Variants in SLC6A4 observed in about 807,000 individuals in gnomAD.
The protein encoded by SLC6A4 is solute carrier family 6 member 4, also known as sodium-dependent serotonin transporter.
A neutral mutation model predicts 73.4 loss-of-function variants in SLC6A4; 22 were observed. The observed-to-expected ratio is 0.30, with a 90% CI of 0.21 to 0.43. The LOEUF (loss-of-function observed/expected upper bound fraction) is 0.43. SLC6A4 is among the 20% of genes least tolerant of loss of function. The pLI, the probability that SLC6A4 is intolerant of heterozygous loss-of-function variation, is 1.00. For synonymous variants in SLC6A4, 270 were observed against 315.5 expected, an observed-to-expected ratio of 0.86 and a Z score of 1.53; for missense variants, 593 against 808.5, an observed-to-expected ratio of 0.73 and a Z score of 3.23.
At chr17:30,207,476 C>T (rs948089768) in intron 13 of SLC6A4, among the ~76,000 whole-genome samples, 1 of 152,158 alleles carries the variant, frequency 6.6e-6, no homozygotes, top group Non-Finnish European at 1.5e-5. Flanking sequence ...CAACCTCCGC[C>T]TCCTGGGTTC....
rs946841468 is a variant in SLC6A4 at position 30,211,141 on chromosome 17, T to C, written c.1317+171A>G. 6.6e-6 allele frequency among the ~76,000 whole-genome samples: 1 copy of C among 152,184 alleles called. No individual in the cohort carries two copies. The highest frequency in any genetic ancestry group is 1.5e-5 in the Non-Finnish European group (1 of 68,036). ...CACTTTATCCCATTAATGACTCGAATGTACCAGAGGGTGGTAAATGCCGAG... is the reference window on the plus strand; with the variant it reads ...CACTTTATCCCATTAATGACTCGAACGTACCAGAGGGTGGTAAATGCCGAG... On this transcript the variant is annotated intron_variant, in intron 10 of 14. Coordinates refer to ENST00000650711, the MANE Select transcript of SLC6A4 (RefSeq NM_001045.6). This position sits in a 1 kb window ranked among gnomAD's most constrained non-coding sequence, Gnocchi z 4.0.
At chr17:30,231,497 TATGTATACATACAG>T (rs1907115569) in intron 1 of SLC6A4, among the ~76,000 whole-genome samples, 1 of 151,534 alleles carries the variant, frequency 6.6e-6, no homozygotes, top group Non-Finnish European at 1.5e-5. Context: ...TATATATCTG[TATGTATACATACAG>T]ATACATAAAT....
intron 8 of SLC6A4, among the ~76,000 whole-genome samples, chr17:30,215,095 T>C (rs1906527719): frequency 6.6e-6 from 1 of 151,742 alleles, no homozygotes; most frequent in Non-Finnish European, 1.5e-5. Flanking sequence ...TTCTGGAATC[T>C]TGCTCTGTCA....
intron 1 of SLC6A4, among the ~76,000 whole-genome samples, chr17:30,230,110 AGAGGAAGAGGAAGAG>A (rs1567824216): frequency 6.3e-5 from 8 of 127,328 alleles, no homozygotes; most frequent in African/African-American, 2.6e-4. Context: ...AGGAAGAGGA[AGAGGAAGAGGAAGAG>A]GAGGAGGAGG....
intron 1 of SLC6A4, among the ~76,000 whole-genome samples, chr17:30,227,664 T>A (rs8072742): frequency 0.065 from 9,902 of 152,186 alleles, 1,048 homozygotes; most frequent in African/African-American, 0.22. Context: ...TTTTTGTATT[T>A]TTTTCAGAGA....
At chr17:30,221,270 C>A (rs1048648036) in intron 3 of SLC6A4, among the ~76,000 whole-genome samples, 4 of 152,152 alleles carry the variant, frequency 2.6e-5, no homozygotes, top group African/African-American at 7.2e-5. Context: ...AGCCACCACG[C>A]CTGGCGAGAT....
chr17:30,232,357 C>A (rs1393668878), intron 1 of SLC6A4, among the ~76,000 whole-genome samples: 3 of 152,208 alleles, frequency 2.0e-5, no homozygotes, highest in African/African-American at 7.2e-5. Context: ...CCCTCCCTAC[C>A]TCAAAGAATG....
At chr17:30,207,077 A>G (rs1906229600) in intron 13 of SLC6A4, among the ~76,000 whole-genome samples, 1 of 152,212 alleles carries the variant, frequency 6.6e-6, no homozygotes, top group South Asian at 2.1e-4. Context: ...GAGGATTTAT[A>G]GAAAAGTGAG....
In SLC6A4 at chr17:30,235,263, T is replaced by C. The variant is rs147885256; in HGVS notation, c.-221+350A>G. ...GGTTGAAACGAAAGCAAGCAACTCT[T>C]CCCAAAGCGCAGGACAGCACTTTGC... is the stretch of plus-strand genomic sequence containing the variant. On this transcript the variant is annotated intron_variant, in intron 1 of 14. Coordinates refer to ENST00000650711, the MANE Select transcript of SLC6A4 (RefSeq NM_001045.6). This position sits in a 1 kb window ranked among gnomAD's most constrained non-coding sequence, Gnocchi z 4.5. 1.9e-4 allele frequency among the ~76,000 whole-genome samples: 29 copies of C among 152,298 alleles called. No individual in the cohort carries two copies. The highest frequency in any genetic ancestry group is 3.4e-4 in the Non-Finnish European group (23 of 68,006).
chr17:30,215,741 G>A (rs1203481251), intron 7 of SLC6A4, 27 bp from the exon 8 acceptor site: 8 of 1,590,580 alleles, frequency 5.0e-6, no homozygotes, highest in Non-Finnish European at 6.9e-6. Flanking sequence ...GTAAGGGCAT[G>A]GGGTGAGGGG....
intron 1 of SLC6A4, among the ~76,000 whole-genome samples, chr17:30,231,549 A>G (rs1305273611): frequency 6.6e-6 from 1 of 151,878 alleles, no homozygotes; most frequent in Non-Finnish European, 1.5e-5. Context: ...GATCTTATAT[A>G]TTACACATAA....
rs557635003 is a variant in SLC6A4 at position 30,229,329 on chromosome 17, G to A, written c.-221+6284C>T. On this transcript the variant is annotated intron_variant, in intron 1 of 14. Transcript: ENST00000650711. ...TTTCCTAACCCACAGAAATAAATGTGATAAACTAAAACATCTGAAACGAAA... is the reference window on the plus strand; with the variant it reads ...TTTCCTAACCCACAGAAATAAATGTAATAAACTAAAACATCTGAAACGAAA... 4.6e-5 allele frequency among the ~76,000 whole-genome samples: 7 copies of A among 152,186 alleles called. No homozygotes were observed. In the South Asian group the frequency reaches 1.5e-3, roughly 32 times the overall value.
intron 3 of SLC6A4, among the ~76,000 whole-genome samples, chr17:30,219,809 C>T (rs1292541410): frequency 6.6e-6 from 1 of 152,154 alleles, no homozygotes; most frequent in East Asian, 1.9e-4. Context: ...CCTAATTTTC[C>T]CTGCTGTAAA....
Position 30,198,069 on chromosome 17 carries a change from A to G in SLC6A4, c.*387T>C, listed in dbSNP as rs541197791. On this transcript the variant is annotated 3_prime_UTR_variant, in exon 15 of 15. Transcript: ENST00000650711. ...TCCTACGCAGTTTACGTATTCATGA[A>G]CAGTGAAACCTTTAGAAGCAAACAG... is the stretch of plus-strand genomic sequence containing the variant. 1.6e-5 allele frequency: 3 copies of G among 190,934 alleles called. No homozygotes were observed. The South Asian group carries it at 5.6e-4, about 36-fold the overall frequency. 11.8% of individuals were successfully genotyped at this position (190,934 alleles called of 1,614,324 possible).
At chr17:30,223,997 T>C (rs1487701385) in intron 1 of SLC6A4, among the ~76,000 whole-genome samples, 2 of 152,214 alleles carry the variant, frequency 1.3e-5, no homozygotes, top group Non-Finnish European at 2.9e-5. Context: ...CATATTTAAA[T>C]ATTCAGCTAA....
At chr17:30,222,788 C>G (rs55805341) in intron 2 of SLC6A4, 31 bp downstream of exon 2, 1 of 1,304,374 alleles carries the variant, frequency 7.7e-7, no homozygotes, top group East Asian at 5.5e-5. Context: ...TTTGCAAGCC[C>G]GACTGGTCCT....
chr17:30,200,809 C>T (rs996982916), intron 14 of SLC6A4, among the ~76,000 whole-genome samples: 4 of 152,054 alleles, frequency 2.6e-5, no homozygotes, highest in African/African-American at 9.7e-5. Context: ...GACAGAGTCT[C>T]GCTCTGTTGC....
chr17:30,207,868 A>C, intron 12 of SLC6A4, 36 bp from the exon 13 acceptor site: 1 of 1,491,084 alleles, frequency 6.7e-7, no homozygotes. Flanking sequence ...GCAGAGACTA[A>C]GAAAGGACAT....
chr17:30,233,191 G>C (rs889473297), intron 1 of SLC6A4, among the ~76,000 whole-genome samples: 1 of 152,150 alleles, frequency 6.6e-6, no homozygotes, highest in East Asian at 1.9e-4. Context: ...CCACACCCAC[G>C]TATGTTCCAT....
Sources: gnomAD v4.1 joint callset for allele counts (sites outside exome capture counted in the v4.1 genomes callset) on GRCh38, gnomAD v4.1.1 for gene constraint, Gnocchi (gnomAD v3.1) non-coding constraint, MANE v1.5 for transcripts, NCBI Gene and HGNC (gene_info 2026-07-23, HGNC 2026-07-21) for gene names.